SYNM: variants seen among roughly 807,000 people sequenced by gnomAD.
The protein encoded by SYNM is synemin, also known as desmuslin.
Under a neutral mutation model 104.0 loss-of-function variants are expected in SYNM, and 95 were observed. That is an observed-to-expected ratio of 0.91 (90% confidence interval 0.77 to 1.08). The LOEUF is 1.08. SYNM is among the 50% of genes least tolerant of loss of function. The pLI is 0.00. For missense variants in SYNM, 2,150 were observed against 2,052.2 expected (o/e 1.05, Z -0.92); for synonymous variants, 918 against 869.0 (o/e 1.06, Z -0.99).
chr15:99,117,757 G>C (rs56042127), intron 2 of SYNM, among the ~76,000 whole-genome samples: 1 of 82,924 alleles, frequency 1.2e-5, no homozygotes, highest in African/African-American at 4.6e-5. Flanking sequence ...GTATTCACAA[G>C]CCACGGGGCC....
At chr15:99,120,556 G>C (rs567867792) in intron 2 of SYNM, among the ~76,000 whole-genome samples, 1 of 152,140 alleles carries the variant, frequency 6.6e-6, no homozygotes, top group South Asian at 2.1e-4. Flanking sequence ...GCCTTCTCTG[G>C]AGACAATTGA....
Position 99,116,665 on chromosome 15 carries a change from A to G in SYNM, c.935+2950A>G, listed in dbSNP as rs1555484001. On this transcript the variant is annotated intron_variant, in intron 2 of 3. Coordinates refer to ENST00000336292, the MANE Select transcript of SYNM (RefSeq NM_145728.3). Reference sequence around the variant, plus strand: ...GCGAGCAAGAGAGTGGGGAGGTGTCAGGTTCTTTTTTTTTCTTTTTGACAT... The same window carrying G: ...GCGAGCAAGAGAGTGGGGAGGTGTCGGGTTCTTTTTTTTTCTTTTTGACAT... Among the ~76,000 whole-genome samples, 2 of 142,052 alleles carry G rather than the reference A, an allele frequency of 1.4e-5. 1 individual carries two copies. Among genetic ancestry groups the G allele is most frequent in the African/African-American group, 5.0e-5 (2 of 39,918 alleles). The allele number at this position is 142,052 out of a possible 152,430, so 93.2% of individuals were successfully genotyped here.
At chr15:99,126,614 A>C in intron 2 of SYNM, 108 bp from the exon 3 acceptor site, 1 of 1,117,572 alleles carries the variant, frequency 8.9e-7, no homozygotes, top group Non-Finnish European at 1.3e-6. Context: ...AGAAGTCCTA[A>C]AACAGGTGAC....
downstream of SYNM, chr15:99,139,011 A>G (rs369741801): frequency 4.4e-4 from 190 of 433,158 alleles, 2 homozygotes; most frequent in South Asian, 3.8e-3. Flanking sequence ...GCAGGGCTGC[A>G]GGAGGCCACA....
At chr15:99,139,207 A>G (rs1443334161), downstream of SYNM, 2 of 1,402,478 alleles carry the variant, frequency 1.4e-6, no homozygotes, top group Admixed American at 2.0e-5. Flanking sequence ...ATGGGAAGTC[A>G]GCAAAACATT....
At chr15:99,110,961 G>C (rs1173974405) in intron 1 of SYNM, among the ~76,000 whole-genome samples, 1 of 152,230 alleles carries the variant, frequency 6.6e-6, no homozygotes, top group Non-Finnish European at 1.5e-5. Context: ...TTTCTGCAGA[G>C]ACCACTGGGA....
downstream of SYNM, chr15:99,139,160 A>G (rs1555488675): frequency 2.3e-6 from 2 of 863,210 alleles, no homozygotes; most frequent in East Asian, 2.6e-5. Context: ...ATCTTTTACA[A>G]CTCGGGTTTC....
At position 99,130,460 on chromosome 15, in the gene SYNM, T is replaced by C. The variant is rs782199339; in HGVS notation, c.2100T>C (p.Asp700=). 5 of 1,613,866 alleles carry C rather than the reference T, an allele frequency of 3.1e-6. No homozygotes were observed. In the Admixed American group the frequency reaches 6.7e-5, roughly 22 times the overall value. ...TGACTGAGGATGTTGATGTTTCCGATGAAGCTGGCCTGGACTACCTTTTAA... is the reference window on the plus strand; with the variant it reads ...TGACTGAGGATGTTGATGTTTCCGACGAAGCTGGCCTGGACTACCTTTTAA... ...SKLTEDVDVS[D]EAGLDYLLSK... The change falls in exon 4 of 4, where the codon GAT becomes GAC. Residue 700 remains aspartate (D), a synonymous_variant. Coordinates refer to ENST00000336292, the MANE Select transcript of SYNM (RefSeq NM_145728.3).
At position 99,105,889 on chromosome 15, in the gene SYNM, C is replaced by A. The variant is rs775197709; in HGVS notation, c.690C>A (p.Cys230Ter). 1.3e-6 allele frequency: 2 copies of A among 1,536,784 alleles called. No individual in the cohort carries two copies. Among genetic ancestry groups the A allele is most frequent in the Non-Finnish European group, 1.7e-6 (2 of 1,145,262 alleles). Residue 230 changes from cysteine to a stop codon, truncating the protein, a stop_gained, in exon 1 of 4, where the codon TGC becomes TGA. Transcript: ENST00000336292. LOFTEE classifies it high-confidence loss of function. Reference sequence around the variant, plus strand: ...AGGCGGAGGAAGAGACGCGGCTGTGCGCGCAGGAGGCAGAGGCGCTGCGGC... The same window carrying A: ...AGGCGGAGGAAGAGACGCGGCTGTGAGCGCAGGAGGCAGAGGCGCTGCGGC... ...RLQAEEETRL[C>*]AQEAEALRRE...
chr15:99,131,696 C>A lies in SYNM; in HGVS notation c.3336C>A (p.Ala1112=). The change falls in exon 4 of 4, where the codon GCC becomes GCA. Residue 1112 remains alanine, a synonymous_variant. Coordinates refer to ENST00000336292, the MANE Select transcript of SYNM (RefSeq NM_145728.3). This position sits in a 1 kb window ranked among gnomAD's most constrained non-coding sequence, Gnocchi z 4.3. ...TVEVSSPTGF[A]QSQVLEDVSQ... Reference sequence around the variant, plus strand: ...AGGTCAGCAGCCCCACAGGCTTTGCCCAGTCACAGGTGCTGGAGGATGTGA... The same window carrying A: ...AGGTCAGCAGCCCCACAGGCTTTGCACAGTCACAGGTGCTGGAGGATGTGA... 1 of 1,613,360 alleles carries A rather than the reference C, an allele frequency of 6.2e-7. No individual in the cohort carries two copies.
chr15:99,132,778 G>A lies in SYNM; in HGVS notation c.4418G>A (p.Arg1473His), dbSNP rs113666904. ...QMDVSNVEAI[R>H]SRTQEAGALG... Reference sequence around the variant, plus strand: ...GATGTGAGTAACGTAGAGGCGATCCGCAGCCGGACACAGGAAGCGGGAGCT... The same window carrying A: ...GATGTGAGTAACGTAGAGGCGATCCACAGCCGGACACAGGAAGCGGGAGCT... Residue 1473 changes from arginine to histidine, a missense_variant, in exon 4 of 4, where the codon CGC becomes CAC. Coordinates refer to ENST00000336292, the MANE Select transcript of SYNM (RefSeq NM_145728.3). 92 of 1,613,960 alleles carry A rather than the reference G, an allele frequency of 5.7e-5. No individual in the cohort carries two copies. Among genetic ancestry groups the A allele is most frequent in the African/African-American group, 4.1e-4 (31 of 75,024 alleles).
intron 2 of SYNM, among the ~76,000 whole-genome samples, chr15:99,120,394 G>A (rs2067389010): frequency 6.6e-6 from 1 of 152,188 alleles, no homozygotes; most frequent in African/African-American, 2.4e-5. Context: ...TTTGGAAAGG[G>A]TTTTCCAGGC....
At chr15:99,126,926 T>A in intron 3 of SYNM, 134 bp downstream of exon 3, 1 of 713,048 alleles carries the variant, frequency 1.4e-6, no homozygotes, top group Non-Finnish European at 2.2e-6. Flanking sequence ...ATCTCTCATT[T>A]AAGTACCAAA....
rs1417958981 is a variant in SYNM at position 99,133,347 on chromosome 15, C to T, written c.*289C>T. On this transcript the variant is annotated 3_prime_UTR_variant, in exon 4 of 4. Transcript: ENST00000336292. ...TCTGGAGATGAATTTCTATGTTTTG[C>T]ACCTGGTCACAGACATGGCTTGCAT... 7.4e-6 allele frequency: 3 copies of T among 404,462 alleles called. No individual in the cohort carries two copies. Among genetic ancestry groups the T allele is most frequent in the African/African-American group, 4.1e-5 (2 of 49,178 alleles). 25.1% of individuals were successfully genotyped at this position (404,462 alleles called of 1,614,324 possible). A position where few individuals can be genotyped will look rare whatever the true frequency, so the allele number is the denominator to read the frequency against.
At chr15:99,112,806 G>A (rs2067311329) in intron 1 of SYNM, among the ~76,000 whole-genome samples, 1 of 152,206 alleles carries the variant, frequency 6.6e-6, no homozygotes, top group Non-Finnish European at 1.5e-5. Context: ...CGCCTACTGA[G>A]TTCAAGTGAT....
chr15:99,110,078 A>G (rs1250819530), intron 1 of SYNM, among the ~76,000 whole-genome samples: 1 of 152,154 alleles, frequency 6.6e-6, no homozygotes, highest in African/African-American at 2.4e-5. Flanking sequence ...GGGGTCTCAG[A>G]GGGGCCCCTG....
chr15:99,130,397 A>G lies in SYNM; in HGVS notation c.2037A>G (p.Glu679=). The change falls in exon 4 of 4, where the codon GAA becomes GAG. Residue 679 remains glutamate (E), a synonymous_variant. Transcript: ENST00000336292. ...TYVDRKELPG[E]RKTKTEIVVE... ...TGGACAGGAAAGAGCTTCCTGGGGA[A>G]AGGAAAACAAAGACTGAAATAGTTG... 1 of 1,613,752 alleles carries G rather than the reference A, an allele frequency of 6.2e-7. No homozygotes were observed.
At chr15:99,137,845 G>T, downstream of SYNM, 2 of 1,080,242 alleles carry the variant, frequency 1.9e-6, no homozygotes, top group East Asian at 2.6e-5. Flanking sequence ...TCAAAATGTG[G>T]CCCACGGGAG....
At chr15:99,125,040 C>T (rs1447192369) in intron 2 of SYNM, among the ~76,000 whole-genome samples, 2 of 152,212 alleles carry the variant, frequency 1.3e-5, no homozygotes, top group Admixed American at 6.5e-5. Flanking sequence ...AGATGCATTC[C>T]CTTTGGAGGG....
Sources: gnomAD v4.1 joint callset for allele counts (sites outside exome capture counted in the v4.1 genomes callset) on GRCh38, gnomAD v4.1.1 for gene constraint, Gnocchi (gnomAD v3.1) non-coding constraint, MANE v1.5 for transcripts, NCBI Gene and HGNC (gene_info 2026-07-23, HGNC 2026-07-21) for gene names.